Variants in CTNNA2 observed in about 807,000 individuals in gnomAD.
The protein encoded by CTNNA2 is catenin alpha-2.
Under a neutral mutation model 101.0 loss-of-function variants are expected in CTNNA2, and 42 were observed. The observed-to-expected ratio is 0.42, with a 90% CI of 0.32 to 0.54. CTNNA2 has a LOEUF of 0.54. Ranked by LOEUF, CTNNA2 falls within the 20% of genes least tolerant of loss-of-function variation. The pLI, the probability that CTNNA2 is intolerant of heterozygous loss-of-function variation, is 0.14. For synonymous variants in CTNNA2, 450 were observed against 456.4 expected (o/e 0.99, Z 0.18); for missense variants, 871 against 1,223.1 (o/e 0.71, Z 4.29).
chr2:80,579,432 A>C (rs1022823939), intron 13 of CTNNA2: 47 of 152,164 alleles, frequency 3.1e-4, no homozygotes, highest in African/African-American at 1.1e-3. Context: ...TAATCTTGTC[A>C]TCTCATCTGT....
intron 2 of CTNNA2, among the ~76,000 whole-genome samples, chr2:79,199,321 G>C (rs1187803413): frequency 1.3e-5 from 2 of 151,958 alleles, no homozygotes; most frequent in East Asian, 3.9e-4. Flanking sequence ...CCCTATTCTT[G>C]TCCCCACAAA....
intron 7 of CTNNA2, among the ~76,000 whole-genome samples, chr2:80,032,871 G>A (rs1379845567): frequency 6.6e-6 from 1 of 152,046 alleles, no homozygotes. Context: ...ACAAGATAAC[G>A]ACCGGGCGCA....
At chr2:80,232,194 T>C (rs1573463764) in intron 7 of CTNNA2, among the ~76,000 whole-genome samples, 1 of 152,106 alleles carries the variant, frequency 6.6e-6, no homozygotes, top group Non-Finnish European at 1.5e-5. Flanking sequence ...CTCTAAAACA[T>C]GTAAAACCAA....
intron 4 of CTNNA2, among the ~76,000 whole-genome samples, chr2:79,399,858 AG>A (rs1173934261): frequency 2.6e-5 from 4 of 152,042 alleles, no homozygotes; most frequent in African/African-American, 7.2e-5. Flanking sequence ...TGTGTAAAGA[AG>A]TAAAGGATGA....
intron 7 of CTNNA2, chr2:80,304,743 A>G (rs1489300506): frequency 6.5e-6 from 1 of 152,676 alleles, no homozygotes; most frequent in Non-Finnish European, 1.5e-5. Context: ...CCTACTGCTC[A>G]CTGAGTGTCG....
intron 3 of CTNNA2, among the ~76,000 whole-genome samples, chr2:79,371,902 T>C (rs1178040441): frequency 6.6e-6 from 1 of 152,132 alleles, no homozygotes; most frequent in Non-Finnish European, 1.5e-5. Context: ...GGGACACTTA[T>C]AAGCACTGTA....
intron 2 of CTNNA2, among the ~76,000 whole-genome samples, chr2:79,737,326 G>A (rs1670965159): frequency 6.7e-6 from 1 of 150,204 alleles, no homozygotes; most frequent in African/African-American, 2.5e-5. Context: ...TCCAGCCTGG[G>A]CAACGGAGTG....
At chr2:79,444,600 T>A (rs1302247202) in intron 4 of CTNNA2, among the ~76,000 whole-genome samples, 1 of 152,136 alleles carries the variant, frequency 6.6e-6, no homozygotes, top group African/African-American at 2.4e-5. Context: ...CCCTATCCCC[T>A]ATCTTATGAA....
intron 2 of CTNNA2, among the ~76,000 whole-genome samples, chr2:79,278,662 A>G (rs1675280737): frequency 6.6e-6 from 1 of 152,152 alleles, no homozygotes; most frequent in South Asian, 2.1e-4. Flanking sequence ...CATCAAAGAA[A>G]GAGCCCCACC....
chr2:80,543,788 A>G (rs1657493145), intron 9 of CTNNA2, among the ~76,000 whole-genome samples: 1 of 152,158 alleles, frequency 6.6e-6, no homozygotes, highest in South Asian at 2.1e-4. Flanking sequence ...GCATTCAGGA[A>G]TGGGAGGAGA....
chr2:79,397,358 C>T (rs534367865), intron 4 of CTNNA2, among the ~76,000 whole-genome samples: 4 of 152,174 alleles, frequency 2.6e-5, no homozygotes, highest in South Asian at 2.1e-4. Flanking sequence ...ATCACCTTCT[C>T]TTCATATACC....
chr2:79,678,542 CAA>C (rs569707654), intron 2 of CTNNA2, among the ~76,000 whole-genome samples: 35 of 98,976 alleles, frequency 3.5e-4, no homozygotes, highest in Admixed American at 3.8e-4. Context: ...CTCAAACAAA[CAA>C]AAAAAAAAAA....
At chr2:79,569,764 C>T (rs1293045682) in intron 1 of CTNNA2, among the ~76,000 whole-genome samples, 1 of 152,070 alleles carries the variant, frequency 6.6e-6, no homozygotes, top group East Asian at 1.9e-4. Context: ...TCAGGCTTTA[C>T]TTTTTTAAGT....
Position 79,554,749 on chromosome 2 carries a change from A to T in CTNNA2, c.-6+41542A>T, listed in dbSNP as rs555655476. Among the ~76,000 whole-genome samples the T allele has an allele frequency of 1.5e-4, 23 of 152,348 alleles. No homozygotes were observed. The South Asian group carries it at 3.1e-3, about 21-fold the overall frequency. On this transcript the variant is annotated intron_variant, in intron 1 of 18. Coordinates refer to ENST00000402739, the MANE Select transcript of CTNNA2 (RefSeq NM_001282597.3). ...ATTAAATTAATCCTGTTCTCAAAACAGTTCCACAGAAATGGAGGTTATTGT... is the reference window on the plus strand; with the variant it reads ...ATTAAATTAATCCTGTTCTCAAAACTGTTCCACAGAAATGGAGGTTATTGT...
intron 7 of CTNNA2, among the ~76,000 whole-genome samples, chr2:80,369,738 T>C (rs139728206): frequency 1.6e-3 from 244 of 152,250 alleles, no homozygotes; most frequent in African/African-American, 5.7e-3. Flanking sequence ...AAATCTTTCC[T>C]GGCTAGAGTC....
At chr2:80,196,450 G>A (rs1706840088) in intron 7 of CTNNA2, among the ~76,000 whole-genome samples, 1 of 152,140 alleles carries the variant, frequency 6.6e-6, no homozygotes. Flanking sequence ...ACAGAAACTT[G>A]CATGTCACAA....
chr2:80,177,264 A>G (rs1348334141), intron 7 of CTNNA2, among the ~76,000 whole-genome samples: 1 of 152,180 alleles, frequency 6.6e-6, no homozygotes, highest in African/African-American at 2.4e-5. Context: ...ATGTGAGTCC[A>G]TGGATGGTAG....
At chr2:79,456,983 C>T (rs896227093) in intron 4 of CTNNA2, among the ~76,000 whole-genome samples, 2 of 152,022 alleles carry the variant, frequency 1.3e-5, no homozygotes, top group Non-Finnish European at 1.5e-5. Context: ...GGGCAGATCA[C>T]GAGGTCAGGA....
At chr2:80,184,738 A>C (rs1202103574) in intron 7 of CTNNA2, among the ~76,000 whole-genome samples, 1 of 152,154 alleles carries the variant, frequency 6.6e-6, no homozygotes, top group Non-Finnish European at 1.5e-5. Context: ...ATACCCTCCT[A>C]ATAGACAGTG....
Sources: allele counts gnomAD v4.1 joint callset (sites outside exome capture counted in the v4.1 genomes callset), GRCh38; gene constraint gnomAD v4.1.1; transcripts MANE v1.5; gene names NCBI Gene and HGNC (gene_info 2026-07-23, HGNC 2026-07-21).